SORL1: variants seen among roughly 807,000 people sequenced by gnomAD.
SORL1 encodes the protein sortilin-related receptor.
In SORL1, 127 loss-of-function variants were observed where a neutral mutation model predicts 273.7. The ratio of observed to expected loss-of-function variants is 0.46; its 90% CI spans 0.40 to 0.54. The LOEUF (loss-of-function observed/expected upper bound fraction) is 0.54. Ranked by LOEUF, SORL1 falls within the 20% of genes least tolerant of loss-of-function variation. The pLI, the probability that SORL1 is intolerant of heterozygous loss-of-function variation, is 0.00. For synonymous variants in SORL1, 1,031 were observed against 1,067.4 expected (o/e 0.97, Z 0.66); for missense variants, 2,494 against 2,846.1 (o/e 0.88, Z 2.81).
chr11:121,590,096 G>A lies in SORL1; in HGVS notation c.4135G>A (p.Gly1379Ser). 1 of 1,614,158 alleles carries A rather than the reference G, an allele frequency of 6.2e-7. No homozygotes were observed. Among genetic ancestry groups the A allele is most frequent in the Non-Finnish European group, 8.5e-7 (1 of 1,180,016 alleles). ...CTACTTCCAGTTTCGGTGTGAGAAT[G>A]GCCACTGCATCCCCAACAGATGGAA... ...SRYFQFRCENGHCIPNRWKCD... is the reference protein window; with the variant it reads ...SRYFQFRCENSHCIPNRWKCD... Residue 1379 changes from glycine (G) to serine (S), a missense_variant, in exon 30 of 48, where the codon GGC becomes AGC. Around this residue, in one of 3 missense-constraint regions of SORL1, gnomAD observed 1,609 missense variants for 1,816.4 expected, o/e 0.89. Transcript: ENST00000260197.
At position 121,632,114 on chromosome 11, in the gene SORL1, C is replaced by T. The variant is rs1863885093; in HGVS notation, c.*2551C>T. 2.0e-5 allele frequency: 3 copies of T among 152,170 alleles called. No individual in the cohort carries two copies. Among genetic ancestry groups the T allele is most frequent in the Non-Finnish European group, 4.4e-5 (3 of 68,052 alleles). The allele number at this position is 152,170 out of a possible 1,614,324, so 9.4% of individuals were successfully genotyped here. A position where few individuals can be genotyped will look rare whatever the true frequency, so the allele number is the denominator to read the frequency against. On this transcript the variant is annotated 3_prime_UTR_variant, in exon 48 of 48. Transcript: ENST00000260197. Reference sequence around the variant, plus strand: ...GGCTTTTGTACCTTGTTGGAGATGCCACCTCAGAAGTTCACACTGTGCAGG... The same window carrying T: ...GGCTTTTGTACCTTGTTGGAGATGCTACCTCAGAAGTTCACACTGTGCAGG...
At chr11:121,530,401 A>G (rs1471002817) in intron 11 of SORL1, among the ~76,000 whole-genome samples, 1 of 152,052 alleles carries the variant, frequency 6.6e-6, no homozygotes, top group Non-Finnish European at 1.5e-5. Flanking sequence ...TTCCTGAAGG[A>G]TATGTTTATT....
At position 121,554,914 on chromosome 11, in the gene SORL1, G is replaced by A; in HGVS notation, c.2440-273G>A. On this transcript the variant is annotated intron_variant, in intron 17 of 47. Coordinates refer to ENST00000260197, the MANE Select transcript of SORL1 (RefSeq NM_003105.6). The surrounding 1 kb of genome is among the most constrained non-coding windows in gnomAD (Gnocchi z 4.6). ...TCTCTGACTTTATTATTGCCATACA[G>A]CATAATTTAGTAACCAGTGTTCATA... 4.9e-6 allele frequency: 1 copy of A among 204,040 alleles called. No individual in the cohort carries two copies. Among genetic ancestry groups the A allele is most frequent in the African/African-American group, 2.3e-5 (1 of 43,182 alleles). 12.6% of individuals were successfully genotyped at this position (204,040 alleles called of 1,614,324 possible). A position where few individuals can be genotyped will look rare whatever the true frequency, so the allele number is the denominator to read the frequency against.
At chr11:121,529,580 GT>G (rs900803641) in intron 11 of SORL1, among the ~76,000 whole-genome samples, 63 of 148,376 alleles carry the variant, frequency 4.2e-4, no homozygotes, top group East Asian at 1.4e-3. Flanking sequence ...TATTTAAAGT[GT>G]TTTTTTTTTC....
intron 41 of SORL1, among the ~76,000 whole-genome samples, chr11:121,618,027 C>G (rs1863665020): frequency 6.6e-6 from 1 of 152,184 alleles, no homozygotes; most frequent in Non-Finnish European, 1.5e-5. Flanking sequence ...TACAAGAGGC[C>G]TCCTGGGCCT....
intron 45 of SORL1, 142 bp from the exon 46 acceptor site, chr11:121,624,943 T>TA (rs1863772946): frequency 1.8e-6 from 1 of 557,126 alleles, no homozygotes; most frequent in African/African-American, 1.9e-5. Flanking sequence ...AGTGGTAATG[T>TA]AAAAAGAACA....
chr11:121,531,903 G>T (rs1380177700), intron 11 of SORL1, among the ~76,000 whole-genome samples: 1 of 152,188 alleles, frequency 6.6e-6, no homozygotes, highest in Non-Finnish European at 1.5e-5. Flanking sequence ...TGAGACTGAG[G>T]TGCACCCCAT....
intron 14 of SORL1, among the ~76,000 whole-genome samples, chr11:121,548,383 C>T (rs908335805): frequency 5.9e-5 from 9 of 152,148 alleles, no homozygotes; most frequent in African/African-American, 1.2e-4. Flanking sequence ...AGTGGCCGTT[C>T]AGTAATAACG....
At position 121,452,352 on chromosome 11, in the gene SORL1, G is replaced by A; in HGVS notation, c.21G>A (p.Arg7=). 3 of 1,554,568 alleles carry A rather than the reference G, an allele frequency of 1.9e-6. No homozygotes were observed. The highest frequency in any genetic ancestry group is 2.6e-6 in the Non-Finnish European group (3 of 1,154,874). The stretch of plus-strand genomic sequence containing the variant: ...CGAACATGGCGACACGGAGCAGCAG[G>A]AGGGAGTCGCGACTCCCGTTCCTAT... MATRSS[R]RESRLPFLFT... The change falls in exon 1 of 48, where the codon AGG becomes AGA. Residue 7 remains arginine (R), a synonymous_variant. Transcript: ENST00000260197. The surrounding 1 kb of genome is among the most constrained non-coding windows in gnomAD (Gnocchi z 5.3).
intron 1 of SORL1, among the ~76,000 whole-genome samples, chr11:121,465,096 C>G (rs983406828): frequency 2.6e-5 from 4 of 152,160 alleles, no homozygotes; most frequent in Admixed American, 1.3e-4. Context: ...CAATGTTGTG[C>G]TACCATGATT....
At chr11:121,479,871 AC>A (rs1362069652) in intron 3 of SORL1, among the ~76,000 whole-genome samples, 1 of 152,126 alleles carries the variant, frequency 6.6e-6, no homozygotes, top group African/African-American at 2.4e-5. Flanking sequence ...CTCCAGGGTG[AC>A]AGAGTAATTT....
chr11:121,487,799 G>A (rs138867922), intron 3 of SORL1, among the ~76,000 whole-genome samples: 21 of 152,232 alleles, frequency 1.4e-4, no homozygotes, highest in African/African-American at 3.1e-4. Context: ...GCTTCATCCC[G>A]GTCCATCTCC....
Position 121,482,729 on chromosome 11 carries a change from C to G in SORL1, c.528+4486C>G, listed in dbSNP as rs1008774987. On this transcript the variant is annotated intron_variant, in intron 3 of 47. Transcript: ENST00000260197. ...ATCACCCAGGTGAAAATGCGAGCTG[C>G]CAAGGAGCATTTGAAATGGTCGAAA... 3.9e-5 allele frequency among the ~76,000 whole-genome samples: 6 copies of G among 152,234 alleles called. No homozygotes were observed. The East Asian group carries it at 1.2e-3, about 29-fold the overall frequency.
At chr11:121,593,981 G>A (rs1057443698) in intron 31 of SORL1, among the ~76,000 whole-genome samples, 18 of 152,272 alleles carry the variant, frequency 1.2e-4, no homozygotes, top group Admixed American at 2.6e-4. Flanking sequence ...TTTTAATTCT[G>A]TCTTCAGACT....
At chr11:121,463,470 G>A (rs1861035307) in intron 1 of SORL1, among the ~76,000 whole-genome samples, 1 of 152,132 alleles carries the variant, frequency 6.6e-6, no homozygotes, top group African/African-American at 2.4e-5. Flanking sequence ...AGGGAAATAA[G>A]CTCTCTAAAC....
At chr11:121,593,422 A>T (rs577573906) in intron 31 of SORL1, among the ~76,000 whole-genome samples, 1 of 152,308 alleles carries the variant, frequency 6.6e-6, no homozygotes, top group Admixed American at 6.5e-5. Context: ...ATGTCCAGGG[A>T]TTTATCAAGT....
chr11:121,513,698 A>T (rs996298505), intron 7 of SORL1, among the ~76,000 whole-genome samples: 1 of 152,168 alleles, frequency 6.6e-6, no homozygotes, highest in Non-Finnish European at 1.5e-5. Context: ...TAGCTCACTT[A>T]CTTACCTTCC....
chr11:121,458,620 G>A (rs766401769), intron 1 of SORL1, among the ~76,000 whole-genome samples: 1 of 152,164 alleles, frequency 6.6e-6, no homozygotes, highest in African/African-American at 2.4e-5. Flanking sequence ...GTCTAGCCAC[G>A]TACATGCAAA....
intron 1 of SORL1, among the ~76,000 whole-genome samples, chr11:121,459,104 T>A (rs1488953954): frequency 7.2e-5 from 11 of 152,232 alleles, no homozygotes; most frequent in Admixed American, 7.2e-4. Flanking sequence ...TCTGTGATAG[T>A]GATGTTTTCT....
Sources: gnomAD v4.1 joint callset for allele counts (sites outside exome capture counted in the v4.1 genomes callset) on GRCh38, gnomAD v4.1.1 for gene constraint, gnomAD v4.1.1 regional missense constraint, Gnocchi (gnomAD v3.1) non-coding constraint, MANE v1.5 for transcripts, NCBI Gene and HGNC (gene_info 2026-07-23, HGNC 2026-07-21) for gene names.